ERG: variants seen among roughly 807,000 people sequenced by gnomAD.
ERG encodes the protein transcriptional regulator ERG.
In ERG, 9 loss-of-function variants were observed where a neutral mutation model predicts 55.3. The observed-to-expected ratio is 0.16, with a 90% CI of 0.10 to 0.28. The LOEUF (loss-of-function observed/expected upper bound fraction) is 0.28, where lower values mean the gene tolerates loss of function less well. Among genes scored for constraint, ERG ranks in the 10% least tolerant of loss-of-function variants. ERG has a pLI of 1.00. For missense variants in ERG, 434 were observed against 631.6 expected (o/e 0.69, Z 3.35); for synonymous variants, 223 against 237.3 (o/e 0.94, Z 0.55).
intron 2 of ERG, among the ~76,000 whole-genome samples, chr21:38,429,959 T>C (rs1990130147): frequency 6.6e-6 from 1 of 152,218 alleles, no homozygotes; most frequent in South Asian, 2.1e-4. Flanking sequence ...TCCACAGTGG[T>C]TGTACTAGTT....
chr21:38,532,871 T>C (rs556639559), intron 2 of ERG, among the ~76,000 whole-genome samples: 5 of 152,340 alleles, frequency 3.3e-5, no homozygotes, highest in South Asian at 2.1e-4. Flanking sequence ...ATAAAAATTA[T>C]GTCCATTGAC....
intron 1 of ERG, among the ~76,000 whole-genome samples, chr21:38,462,330 TTC>T (rs1404200650): frequency 1.3e-5 from 2 of 151,738 alleles, no homozygotes; most frequent in East Asian, 4.0e-4. Context: ...GTTTCAAAAT[TTC>T]TGTTTTTGTT....
chr21:38,455,084 A>G (rs1351237345), intron 1 of ERG, among the ~76,000 whole-genome samples: 1 of 148,904 alleles, frequency 6.7e-6, no homozygotes, highest in Admixed American at 6.8e-5. Context: ...GTCTTATAAC[A>G]TAATGTTCTT....
intron 2 of ERG, among the ~76,000 whole-genome samples, chr21:38,557,726 T>C (rs1389677168): frequency 6.6e-6 from 1 of 152,100 alleles, no homozygotes; most frequent in African/African-American, 2.4e-5. Flanking sequence ...GGGAAAACCA[T>C]GTGTTCTGTG....
At chr21:38,373,320 G>A in the ERG span, among the ~76,000 whole-genome samples, 1 of 152,080 alleles carries the variant, frequency 6.6e-6, no homozygotes, top group African/African-American at 2.4e-5. Context: ...TTTACATTTT[G>A]TTTTCAAAAA....
chr21:38,585,085 T>C (rs2060053943), upstream of ERG: 1 of 152,090 alleles, frequency 6.6e-6, no homozygotes, highest in Non-Finnish European at 1.5e-5. Flanking sequence ...CTTAAATCCT[T>C]CCCCTTAAAA....
intron 2 of ERG, among the ~76,000 whole-genome samples, chr21:38,558,087 G>A (rs779596436): frequency 6.6e-6 from 1 of 151,890 alleles, no homozygotes; most frequent in Non-Finnish European, 1.5e-5. Flanking sequence ...TTTTGGCAGA[G>A]ACCTCATTCT....
chr21:38,468,221 C>T (rs1376359837), intron 1 of ERG, among the ~76,000 whole-genome samples: 1 of 152,168 alleles, frequency 6.6e-6, no homozygotes, highest in African/African-American at 2.4e-5. Flanking sequence ...TCATCAATTG[C>T]ACTTATCTCC....
chr21:38,543,007 C>G (rs2059763822), intron 2 of ERG, among the ~76,000 whole-genome samples: 1 of 152,112 alleles, frequency 6.6e-6, no homozygotes, highest in Non-Finnish European at 1.5e-5. Context: ...GGATGTCAAG[C>G]TCTGTTCTTC....
chr21:38,380,148 C>A lies in ERG; in HGVS notation c.*3255G>T, dbSNP rs977234401. On this transcript the variant is annotated 3_prime_UTR_variant, in exon 10 of 10. Coordinates refer to ENST00000288319, the MANE Select transcript of ERG (RefSeq NM_182918.4). ...AGCTTTTTAAAAAATATTTTCTTCT[C>A]TTTCTCCAGGCAATGGGTCACTTTG... 19 of 1,040,564 alleles carry A rather than the reference C, an allele frequency of 1.8e-5. No homozygotes were observed. Among genetic ancestry groups the A allele is most frequent in the African/African-American group, 6.7e-5 (4 of 59,608 alleles). The allele number at this position is 1,040,564 out of a possible 1,614,324, so 64.5% of individuals were successfully genotyped here. A position where few individuals can be genotyped will look rare whatever the true frequency, so the allele number is the denominator to read the frequency against.
intron 2 of ERG, among the ~76,000 whole-genome samples, chr21:38,571,693 C>T (rs2059958907): frequency 6.6e-6 from 1 of 152,144 alleles, no homozygotes; most frequent in Non-Finnish European, 1.5e-5. Flanking sequence ...AATTCTTGCA[C>T]TATTTAAATC....
At position 38,462,448 on chromosome 21, in the gene ERG, G is replaced by A. The variant is rs1055439043; in HGVS notation, c.19-16827C>T. ...GACCAAAAGATTAAGAATCACTGCC[G>A]TCGAGGTTTTAAGCTTGGCTAGGAC... On this transcript the variant is annotated intron_variant, in intron 1 of 9. Coordinates refer to ENST00000288319, the MANE Select transcript of ERG (RefSeq NM_182918.4). 5.9e-5 allele frequency among the ~76,000 whole-genome samples: 9 copies of A among 152,140 alleles called. No individual in the cohort carries two copies. The South Asian group carries it at 1.2e-3, about 21-fold the overall frequency.
chr21:38,624,118 C>T lies in ERG; in HGVS notation c.-150+37540G>A, dbSNP rs73444307. Reference sequence around the variant, plus strand: ...TGAGCCTAACCACATGACTTGGCAGCCCCCACTCCTACTTTCTAGATCATC... The same window carrying T: ...TGAGCCTAACCACATGACTTGGCAGTCCCCACTCCTACTTTCTAGATCATC... On this transcript the variant is annotated intron_variant, in intron 1 of 10. Transcript: ENST00000398910. Among the ~76,000 whole-genome samples the T allele has an allele frequency of 2.5e-3, 375 of 152,280 alleles. 2 individuals carry two copies. The highest frequency in any genetic ancestry group is 8.3e-3 in the African/African-American group (344 of 41,548).
In ERG at chr21:38,519,928, C is replaced by T. The variant is rs188881658; in HGVS notation, c.-41+55734G>A. On this transcript the variant is annotated intron_variant, in intron 2 of 8. Coordinates refer to the ERG transcript ENST00000398897. Reference sequence around the variant, plus strand: ...CTGATATGCTTCCAAACAAGGGAAACTCAGCTTGGACACTGAAAGCATTTT... The same window carrying T: ...CTGATATGCTTCCAAACAAGGGAAATTCAGCTTGGACACTGAAAGCATTTT... 2.2e-4 allele frequency among the ~76,000 whole-genome samples: 34 copies of T among 152,162 alleles called. 1 individual carries two copies. The highest frequency in any genetic ancestry group is 7.5e-4 in the African/African-American group (31 of 41,520).
chr21:38,463,296 A>C (rs1280171963), intron 1 of ERG, among the ~76,000 whole-genome samples: 1 of 152,136 alleles, frequency 6.6e-6, no homozygotes, highest in Non-Finnish European at 1.5e-5. Context: ...GGCATCCATC[A>C]TGTGCAGAGC....
chr21:38,452,046 G>A (rs936200807), intron 1 of ERG, among the ~76,000 whole-genome samples: 10 of 152,228 alleles, frequency 6.6e-5, no homozygotes, highest in South Asian at 4.2e-4. Context: ...TTAACACATT[G>A]CAATTTTAGT....
At chr21:38,434,959 A>G (rs1279806600) in intron 2 of ERG, among the ~76,000 whole-genome samples, 1 of 152,196 alleles carries the variant, frequency 6.6e-6, no homozygotes, top group Non-Finnish European at 1.5e-5. Flanking sequence ...TCAGCATGCA[A>G]CTGCTTTTTG....
chr21:38,517,652 C>A (rs1568875084), intron 2 of ERG, among the ~76,000 whole-genome samples: 2 of 152,224 alleles, frequency 1.3e-5, no homozygotes, highest in South Asian at 2.1e-4. Flanking sequence ...AAGATACTTG[C>A]ACCCACATGT....
chr21:38,477,891 A>G (rs1463477616), intron 1 of ERG, among the ~76,000 whole-genome samples: 1 of 152,248 alleles, frequency 6.6e-6, no homozygotes, highest in Non-Finnish European at 1.5e-5. Context: ...GAAAAAAGGA[A>G]AACATATATT....
Sources: allele counts gnomAD v4.1 joint callset (sites outside exome capture counted in the v4.1 genomes callset), GRCh38; gene constraint gnomAD v4.1.1; transcripts MANE v1.5; gene names NCBI Gene and HGNC (gene_info 2026-07-23, HGNC 2026-07-21).